The following RHOA variants were observed in gnomAD, a reference collection of about 807,000 sequenced individuals.
RHOA encodes ras homolog family member A.
A neutral mutation model predicts 17.5 loss-of-function variants in RHOA; 3 were observed. That is an observed-to-expected ratio of 0.17 (90% CI 0.08 to 0.44). The LOEUF is 0.44. Ranked by LOEUF, RHOA falls within the 20% of genes least tolerant of loss-of-function variation. The probability of loss-of-function intolerance (pLI) is 0.99; values close to 1 mark genes in which losing one functional copy is unlikely to be tolerated. For missense variants in RHOA, 56 were observed against 242.3 expected (o/e 0.23, Z 5.10); for synonymous variants, 98 against 88.4 (o/e 1.11, Z -0.61).
chr3:49,393,648 C>G (rs1331361097), intron 1 of RHOA, among the ~76,000 whole-genome samples: 1 of 40,158 alleles, frequency 2.5e-5, no homozygotes, highest in East Asian at 8.2e-4. Context: ...CAGTTAGGAC[C>G]ACAGGTCCCT....
At position 49,396,446 on chromosome 3, in the gene RHOA, G is replaced by A. The variant is rs548429614; in HGVS notation, c.-3+15374C>T. ...AAAAATTAGTTGGGCGCGGTGGCTC[G>A]CACCTGTAATCCCAGTACTTTGGAA... is the stretch of plus-strand genomic sequence containing the variant. On this transcript the variant is annotated intron_variant, in intron 1 of 4. Transcript: ENST00000418115. Among the ~76,000 whole-genome samples, 35 of 151,820 alleles carry A rather than the reference G, an allele frequency of 2.3e-4. 1 individual carries two copies. Among genetic ancestry groups the A allele is most frequent in the Non-Finnish European group, 3.7e-4 (25 of 67,938 alleles).
rs760703764 is a variant in RHOA, at chr3:49,389,561, A to G, written c.-2-13970T>C. Among the ~76,000 whole-genome samples, 55 of 152,286 alleles carry G rather than the reference A, an allele frequency of 3.6e-4. 1 individual carries two copies. The highest frequency in any genetic ancestry group is 3.4e-3 in the Middle Eastern group (1 of 294). On this transcript the variant is annotated intron_variant, in intron 1 of 4. Transcript: ENST00000418115. Reference sequence around the variant, plus strand: ...CTAATTCCTCTGCTGAAAAAGAGTCATGACACTTCTTACTTCTTACAGCAG... The same window carrying G: ...CTAATTCCTCTGCTGAAAAAGAGTCGTGACACTTCTTACTTCTTACAGCAG...
At chr3:49,360,781 AGCTGTTAAACTTG>A in intron 4 of RHOA, 1 of 178,168 alleles carries the variant, frequency 5.6e-6, no homozygotes, top group Non-Finnish European at 1.2e-5. Context: ...GACTTTCAAA[AGCTGTTAAACTTG>A]GCTGGGTGTG....
intron 1 of RHOA, among the ~76,000 whole-genome samples, chr3:49,377,053 G>T (rs554937613): frequency 1.3e-5 from 2 of 152,092 alleles, no homozygotes; most frequent in African/African-American, 4.8e-5. Context: ...GCTTGAACCC[G>T]GGAGGCAGAG....
At chr3:49,394,240 G>A (rs752222855) in intron 1 of RHOA, among the ~76,000 whole-genome samples, 28 of 152,008 alleles carry the variant, frequency 1.8e-4, no homozygotes, top group South Asian at 1.4e-3. Flanking sequence ...TCCTGACCTC[G>A]CGATCTGCCT....
chr3:49,394,398 T>G (rs554196708), intron 1 of RHOA, among the ~76,000 whole-genome samples: 1 of 152,104 alleles, frequency 6.6e-6, no homozygotes, highest in South Asian at 2.1e-4. Flanking sequence ...TTGCCCAGGC[T>G]GAAGTGCAGT....
chr3:49,373,831 G>A (rs1233153468), intron 2 of RHOA, among the ~76,000 whole-genome samples: 2 of 150,660 alleles, frequency 1.3e-5, no homozygotes, highest in African/African-American at 2.4e-5. Flanking sequence ...AGTATGAGAG[G>A]CCAAGCAAAG....
At chr3:49,401,530 C>T (rs924919843) in intron 1 of RHOA, among the ~76,000 whole-genome samples, 1 of 147,124 alleles carries the variant, frequency 6.8e-6, no homozygotes, top group African/African-American at 2.5e-5. Context: ...TGCACTCCAG[C>T]CTGGGCGACA....
Position 49,359,198 on chromosome 3 carries a change from A to G in RHOA, c.*1011T>C. The G allele has an allele frequency of 5.3e-6, 1 of 187,426 alleles. No individual in the cohort carries two copies. The allele number at this position is 187,426 out of a possible 1,614,324, so 11.6% of individuals were successfully genotyped here. A position where few individuals can be genotyped will look rare whatever the true frequency, so the allele number is the denominator to read the frequency against. ...AGTTGGAAAAATTAACTGGTACAGA[A>G]AAAAAGTTTAGTCAGCTGGAGAGAA... On this transcript the variant is annotated 3_prime_UTR_variant, in exon 5 of 5. Coordinates refer to ENST00000418115, the MANE Select transcript of RHOA (RefSeq NM_001664.4).
chr3:49,368,707 C>CTTTTT (rs374609508), intron 2 of RHOA, among the ~76,000 whole-genome samples, 159 bp from the exon 3 acceptor site: 1 of 130,342 alleles, frequency 7.7e-6, no homozygotes, highest in African/African-American at 3.2e-5. Context: ...TTTCTTTTTT[C>CTTTTT]TTTTTTTTTT....
chr3:49,391,102 CA>C (rs1271296972), intron 1 of RHOA, among the ~76,000 whole-genome samples: 1 of 151,666 alleles, frequency 6.6e-6, no homozygotes, highest in Admixed American at 6.6e-5. Context: ...CCTGTAGTCC[CA>C]GCTACTTGGG....
rs879621290 is a variant in RHOA, at chr3:49,362,023, T to TA, written c.408+472dup. Among the ~76,000 whole-genome samples, 565 of 140,480 alleles carry TA rather than the reference T, an allele frequency of 4.0e-3. 3 individuals are homozygous for TA. The highest frequency in any genetic ancestry group is 0.011 in the African/African-American group (408 of 38,308). The allele number at this position is 140,480 out of a possible 152,430, so 92.2% of individuals were successfully genotyped here. A position where few individuals can be genotyped will look rare whatever the true frequency, so the allele number is the denominator to read the frequency against. On this transcript the variant is annotated intron_variant, in intron 4 of 4. Coordinates refer to ENST00000418115, the MANE Select transcript of RHOA (RefSeq NM_001664.4). ...GCCAACAGGGTGAAACCCCATCTAT[T>TA]AAAAAAAAAAAAAATTAGCCGGTCA... is the stretch of plus-strand genomic sequence containing the variant.
intron 1 of RHOA, among the ~76,000 whole-genome samples, chr3:49,406,354 T>C (rs1456260091): frequency 2.0e-5 from 3 of 152,136 alleles, no homozygotes; most frequent in African/African-American, 7.2e-5. Context: ...GCTAGAAGAA[T>C]ACAGTAAAAT....
At chr3:49,410,414 T>C (rs2048913401) in intron 1 of RHOA, among the ~76,000 whole-genome samples, 1 of 152,188 alleles carries the variant, frequency 6.6e-6, no homozygotes, top group Non-Finnish European at 1.5e-5. Context: ...CACAGATTTT[T>C]ATGAGAACAG....
intron 1 of RHOA, among the ~76,000 whole-genome samples, chr3:49,404,773 CA>C (rs773502375): frequency 0.021 from 2,464 of 117,176 alleles, 30 homozygotes; most frequent in Non-Finnish European, 0.026. Flanking sequence ...TACTAAAATA[CA>C]AAAAAAAAAA....
intron 1 of RHOA, among the ~76,000 whole-genome samples, chr3:49,383,025 G>A (rs533845393): frequency 6.6e-6 from 1 of 151,654 alleles, no homozygotes; most frequent in South Asian, 2.1e-4. Context: ...TTGCACTCCA[G>A]CCTGGGCGAC....
rs59591685 is a variant in RHOA at position 49,391,823 on chromosome 3, CTTTTT to C, written c.-2-16237_-2-16233del. Among the ~76,000 whole-genome samples, 85 of 99,668 alleles carry C rather than the reference CTTTTT, an allele frequency of 8.5e-4. 1 individual carries two copies. The highest frequency in any genetic ancestry group is 3.1e-3 in the African/African-American group (77 of 24,814). 65.4% of individuals were successfully genotyped at this position (99,668 alleles called of 152,430 possible). A position where few individuals can be genotyped will look rare whatever the true frequency, so the allele number is the denominator to read the frequency against. ...ACTGTGCCCGGCCTAATTAATTTAT[CTTTTT>C]TTTTTTTTTTTTTTTTTGAGACAGC... On this transcript the variant is annotated intron_variant, in intron 1 of 4. Transcript: ENST00000418115.
At chr3:49,393,747 T>C (rs1344427459) in intron 1 of RHOA, among the ~76,000 whole-genome samples, 1 of 150,170 alleles carries the variant, frequency 6.7e-6, no homozygotes, top group Non-Finnish European at 1.5e-5. Flanking sequence ...TCTCGCTCTG[T>C]CGCCCAGGCT....
chr3:49,377,684 G>A (rs927456115), intron 1 of RHOA, among the ~76,000 whole-genome samples: 1 of 151,650 alleles, frequency 6.6e-6, no homozygotes, highest in Non-Finnish European at 1.5e-5. Flanking sequence ...TGAGGTGGGA[G>A]GATTGCTTGA....
Sources: gnomAD v4.1 joint callset for allele counts (sites outside exome capture counted in the v4.1 genomes callset) on GRCh38, gnomAD v4.1.1 for gene constraint, MANE v1.5 for transcripts, NCBI Gene and HGNC (gene_info 2026-07-23, HGNC 2026-07-21) for gene names.